DPY19L1: variants seen among roughly 807,000 people sequenced by gnomAD.
The protein encoded by DPY19L1 is dpy-19 like C-mannosyltransferase 1.
Under a neutral mutation model 96.9 loss-of-function variants are expected in DPY19L1, and 35 were observed. That is an observed-to-expected ratio of 0.36 (90% CI 0.28 to 0.48). The LOEUF (loss-of-function observed/expected upper bound fraction) is 0.48, where lower values mean the gene tolerates loss of function less well. Ranked by LOEUF, DPY19L1 falls within the 20% of genes least tolerant of loss-of-function variation. The pLI is 0.99. For synonymous variants in DPY19L1, 205 were observed against 252.6 expected, an observed-to-expected ratio of 0.81 and a Z score of 1.79; for missense variants, 521 against 777.9, an observed-to-expected ratio of 0.67 and a Z score of 3.93.
chr7:35,002,002 G>A (rs537914338), intron 6 of DPY19L1, among the ~76,000 whole-genome samples: 7 of 151,718 alleles, frequency 4.6e-5, no homozygotes, highest in Non-Finnish European at 1.0e-4. Flanking sequence ...GTGCGTGCCT[G>A]TAGTCCCAGC....
chr7:34,984,336 A>G (rs1211601021), intron 7 of DPY19L1, among the ~76,000 whole-genome samples: 2 of 152,210 alleles, frequency 1.3e-5, no homozygotes, highest in African/African-American at 2.4e-5. Flanking sequence ...TGAGGGGCGC[A>G]GAGGCATATA....
chr7:34,985,641 T>C (rs1218902800), intron 7 of DPY19L1, among the ~76,000 whole-genome samples: 2 of 151,936 alleles, frequency 1.3e-5, no homozygotes, highest in Admixed American at 1.3e-4. Context: ...CTACACCTGT[T>C]AGAAAGGCTA....
At chr7:34,979,152 T>C (rs1784888562) in intron 7 of DPY19L1, among the ~76,000 whole-genome samples, 1 of 152,114 alleles carries the variant, frequency 6.6e-6, no homozygotes, top group African/African-American at 2.4e-5. Context: ...TGTGAAACTT[T>C]GTTGAAAAAG....
At chr7:34,941,408 T>C (rs1318960848) in intron 18 of DPY19L1, among the ~76,000 whole-genome samples, 2 of 152,156 alleles carry the variant, frequency 1.3e-5, no homozygotes, top group South Asian at 2.1e-4. Context: ...AAAGAACATA[T>C]AATTTTCAAG....
At chr7:35,034,868 A>G (rs943390034) in intron 1 of DPY19L1, among the ~76,000 whole-genome samples, 1 of 152,248 alleles carries the variant, frequency 6.6e-6, no homozygotes, top group African/African-American at 2.4e-5. Flanking sequence ...AAAACCAAAC[A>G]GCTATTTTAA....
At position 34,949,924 on chromosome 7, in the gene DPY19L1, T is replaced by C. The variant is rs773126149; in HGVS notation, c.1321-26A>G. On this transcript the variant is annotated intron_variant, in intron 13 of 21. Coordinates refer to ENST00000638088, the MANE Select transcript of DPY19L1 (RefSeq NM_001366673.1). The stretch of plus-strand genomic sequence containing the variant: ...CTGGTAAGAAATAAAGTTACCATTA[T>C]ATTAAGCCATACACTGCAATAATAT... 38 of 1,243,108 alleles carry C rather than the reference T, an allele frequency of 3.1e-5. No individual in the cohort carries two copies. In the East Asian group the frequency reaches 5.5e-4, roughly 18 times the overall value. The allele number at this position is 1,243,108 out of a possible 1,614,324, so 77.0% of individuals were successfully genotyped here. A position where few individuals can be genotyped will look rare whatever the true frequency, so the allele number is the denominator to read the frequency against.
chr7:34,965,181 T>C (rs989145166), intron 10 of DPY19L1, among the ~76,000 whole-genome samples: 23 of 152,140 alleles, frequency 1.5e-4, no homozygotes, highest in African/African-American at 3.1e-4. Context: ...CTAGGAGATA[T>C]GTGAAGAATG....
At chr7:34,995,725 T>G (rs557953171) in intron 6 of DPY19L1, among the ~76,000 whole-genome samples, 2 of 152,168 alleles carry the variant, frequency 1.3e-5, no homozygotes, top group South Asian at 4.2e-4. Context: ...ATTAAATAAC[T>G]CTTACGATTT....
At chr7:35,001,211 T>C (rs1268892500) in intron 6 of DPY19L1, among the ~76,000 whole-genome samples, 4 of 152,194 alleles carry the variant, frequency 2.6e-5, no homozygotes, top group Non-Finnish European at 4.4e-5. Flanking sequence ...TCAGTGAAGA[T>C]TGGAATCTGC....
chr7:35,029,870 T>C (rs1786218921), intron 1 of DPY19L1, among the ~76,000 whole-genome samples: 1 of 152,184 alleles, frequency 6.6e-6, no homozygotes, highest in South Asian at 2.1e-4. Context: ...CCTACAATTT[T>C]ACACGGATGT....
chr7:35,004,726 A>T (rs1235611904), intron 6 of DPY19L1, among the ~76,000 whole-genome samples: 1 of 152,262 alleles, frequency 6.6e-6, no homozygotes, highest in Non-Finnish European at 1.5e-5. Context: ...AAAATAAAGT[A>T]AGAAATTTCA....
chr7:35,001,276 C>T (rs115388489), intron 6 of DPY19L1, among the ~76,000 whole-genome samples: 2,609 of 151,966 alleles, frequency 0.017, 78 homozygotes, highest in African/African-American at 0.06. Context: ...AATTGGTAAA[C>T]GCTAGTAAAG....
chr7:34,974,487 C>A (rs1784793111), intron 7 of DPY19L1, among the ~76,000 whole-genome samples: 1 of 152,108 alleles, frequency 6.6e-6, no homozygotes, highest in Non-Finnish European at 1.5e-5. Context: ...AAAGACTGAG[C>A]CAATTTACTG....
chr7:35,000,946 T>A (rs1257106503), intron 6 of DPY19L1, among the ~76,000 whole-genome samples: 2 of 152,242 alleles, frequency 1.3e-5, no homozygotes, highest in Non-Finnish European at 2.9e-5. Flanking sequence ...ACACTTAAAA[T>A]GTATTCTCAG....
intron 1 of DPY19L1, among the ~76,000 whole-genome samples, chr7:35,028,363 A>G (rs1169954227): frequency 6.6e-6 from 1 of 152,258 alleles, no homozygotes; most frequent in Non-Finnish European, 1.5e-5. Flanking sequence ...CATGGAAAGT[A>G]TATATCACCA....
chr7:34,967,567 A>G (rs561844888), intron 9 of DPY19L1, among the ~76,000 whole-genome samples: 2 of 152,320 alleles, frequency 1.3e-5, no homozygotes, highest in Admixed American at 6.5e-5. Context: ...TATGTTATAT[A>G]TCAATAATTC....
At chr7:34,948,078 G>GA (rs1784189171) in intron 14 of DPY19L1, among the ~76,000 whole-genome samples, 1 of 151,176 alleles carries the variant, frequency 6.6e-6, no homozygotes, top group Non-Finnish European at 1.5e-5. Context: ...TATTATCCTT[G>GA]AAACACACAC....
At position 34,929,779 on chromosome 7, in the gene DPY19L1, G is replaced by A. The variant is rs1783712829; in HGVS notation, c.*1794C>T. On this transcript the variant is annotated 3_prime_UTR_variant, in exon 22 of 22. Transcript: ENST00000638088. Reference sequence around the variant, plus strand: ...TGTTGCTTTTAATCCACAAATCAAGGGCTGCTTCCCTATTTTCTAAAACTA... The same window carrying A: ...TGTTGCTTTTAATCCACAAATCAAGAGCTGCTTCCCTATTTTCTAAAACTA... 1 of 151,934 alleles carries A rather than the reference G, an allele frequency of 6.6e-6. No homozygotes were observed. The highest frequency in any genetic ancestry group is 1.5e-5 in the Non-Finnish European group (1 of 67,980). The allele number at this position is 151,934 out of a possible 1,614,324, so 9.4% of individuals were successfully genotyped here. A position where few individuals can be genotyped will look rare whatever the true frequency, so the allele number is the denominator to read the frequency against.
chr7:35,004,797 C>T (rs573622577), intron 6 of DPY19L1, among the ~76,000 whole-genome samples: 4 of 152,254 alleles, frequency 2.6e-5, no homozygotes, highest in African/African-American at 9.6e-5. Flanking sequence ...AAGTAAAGTT[C>T]CAGTAAAAGT....
Sources: allele counts gnomAD v4.1 joint callset (sites outside exome capture counted in the v4.1 genomes callset), GRCh38; gene constraint gnomAD v4.1.1; transcripts MANE v1.5; gene names NCBI Gene and HGNC (gene_info 2026-07-23, HGNC 2026-07-21).